NOVA1: variants seen among roughly 807,000 people sequenced by gnomAD.
NOVA1 encodes NOVA alternative splicing regulator 1, also known as RNA-binding protein Nova-1.
NOVA1 carries 7 observed loss-of-function variants against 38.0 expected under a neutral mutation model. The observed-to-expected ratio is 0.18, with a 90% CI of 0.10 to 0.35. The LOEUF (loss-of-function observed/expected upper bound fraction) is 0.35, where lower values mean the gene tolerates loss of function less well. NOVA1 is among the 10% of genes least tolerant of loss of function. NOVA1 has a pLI of 1.00. For missense variants in NOVA1, 460 were observed against 616.0 expected, an observed-to-expected ratio of 0.75 and a Z score of 2.68; for synonymous variants, 270 against 232.5, an observed-to-expected ratio of 1.16 and a Z score of -1.47.
chr14:26,574,214 C>T lies in NOVA1; in HGVS notation c.280+21196G>A, dbSNP rs555228932. 1.1e-4 allele frequency among the ~76,000 whole-genome samples: 15 copies of T among 141,028 alleles called. No individual in the cohort carries two copies. In the South Asian group the frequency reaches 2.5e-3, roughly 23 times the overall value. The allele number at this position is 141,028 out of a possible 152,430, so 92.5% of individuals were successfully genotyped here. A position where few individuals can be genotyped will look rare whatever the true frequency, so the allele number is the denominator to read the frequency against. On this transcript the variant is annotated intron_variant, in intron 2 of 4. Transcript: ENST00000539517. ...CTAATTTTTGTATTTTCAGTAGAGA[C>T]GGGGTTTCACCATCTTGGCCAGGCT...
chr14:26,497,605 C>T (rs183329350), intron 2 of NOVA1, among the ~76,000 whole-genome samples: 3 of 152,220 alleles, frequency 2.0e-5, no homozygotes, highest in African/African-American at 7.2e-5. Context: ...TCTATCCATC[C>T]TTTTAGAAAC....
chr14:26,532,799 TCAAA>T (rs1889815057), intron 2 of NOVA1, among the ~76,000 whole-genome samples: 1 of 152,172 alleles, frequency 6.6e-6, no homozygotes, highest in African/African-American at 2.4e-5. Flanking sequence ...AGAAACAACT[TCAAA>T]CAAATTTCAA....
At chr14:26,589,736 G>A (rs2138805884) in intron 2 of NOVA1, among the ~76,000 whole-genome samples, 1 of 151,632 alleles carries the variant, frequency 6.6e-6, no homozygotes, top group African/African-American at 2.4e-5. Context: ...CTCACTTAAG[G>A]TTATTTTTTT....
chr14:26,461,738 G>A (rs1883689517), intron 4 of NOVA1, among the ~76,000 whole-genome samples: 1 of 142,156 alleles, frequency 7.0e-6, no homozygotes, highest in South Asian at 2.2e-4. Context: ...AGACCAGCCT[G>A]ACCAACATGG....
intron 2 of NOVA1, among the ~76,000 whole-genome samples, chr14:26,582,441 G>A (rs1162190223): frequency 2.0e-5 from 3 of 151,726 alleles, no homozygotes; most frequent in African/African-American, 2.4e-5. Flanking sequence ...TGTCATAAAA[G>A]AACATTATTT....
chr14:26,545,509 A>C (rs1267761268), intron 2 of NOVA1, among the ~76,000 whole-genome samples: 1 of 152,158 alleles, frequency 6.6e-6, no homozygotes, highest in East Asian at 1.9e-4. Context: ...GGCTGAAGAC[A>C]TAAGGGTGAG....
chr14:26,495,550 G>C (rs1239895166), intron 2 of NOVA1, among the ~76,000 whole-genome samples: 2 of 151,876 alleles, frequency 1.3e-5, no homozygotes, highest in African/African-American at 4.8e-5. Flanking sequence ...CAATGTGCAG[G>C]TTAGTTACAT....
At chr14:26,529,779 C>A (rs1469979056) in intron 2 of NOVA1, among the ~76,000 whole-genome samples, 1 of 152,140 alleles carries the variant, frequency 6.6e-6, no homozygotes, top group Admixed American at 6.5e-5. Context: ...GAGTCTTCAG[C>A]AATGGGGAAT....
intron 2 of NOVA1, among the ~76,000 whole-genome samples, chr14:26,585,048 A>C (rs1474552798): frequency 6.6e-6 from 1 of 151,446 alleles, no homozygotes; most frequent in East Asian, 1.9e-4. Flanking sequence ...TTAAAATATA[A>C]ATAAAATTTA....
intron 3 of NOVA1, among the ~76,000 whole-genome samples, chr14:26,477,836 T>C (rs190622843): frequency 1.3e-5 from 2 of 152,128 alleles, no homozygotes; most frequent in Non-Finnish European, 2.9e-5. Context: ...TATAATATTT[T>C]GGAAATACAT....
intron 1 of NOVA1, chr14:26,596,540 C>T (rs769846295): frequency 6.2e-6 from 8 of 1,288,790 alleles, no homozygotes; most frequent in Non-Finnish European, 7.1e-6. Flanking sequence ...GACCCCCATC[C>T]GTCTACAATG....
At chr14:26,487,242 T>C (rs1483667891) in intron 2 of NOVA1, among the ~76,000 whole-genome samples, 1 of 152,178 alleles carries the variant, frequency 6.6e-6, no homozygotes. Context: ...TCAAAGGTCT[T>C]CTCTGAAGCT....
intron 2 of NOVA1, chr14:26,593,088 G>T (rs1385880731): frequency 6.6e-6 from 1 of 151,698 alleles, no homozygotes; most frequent in African/African-American, 2.4e-5. Flanking sequence ...CATATATATA[G>T]CTTTAAGAAC....
chr14:26,504,182 T>A (rs1887456158), intron 2 of NOVA1, among the ~76,000 whole-genome samples: 1 of 152,146 alleles, frequency 6.6e-6, no homozygotes, highest in Admixed American at 6.6e-5. Context: ...TGATGTCAAG[T>A]AAAAACCAAT....
intron 2 of NOVA1, among the ~76,000 whole-genome samples, chr14:26,481,350 G>T (rs1431266819): frequency 6.6e-6 from 1 of 152,020 alleles, no homozygotes; most frequent in Non-Finnish European, 1.5e-5. Flanking sequence ...ACAAATTTGT[G>T]AAACTACAAA....
intron 2 of NOVA1, among the ~76,000 whole-genome samples, chr14:26,539,768 C>G (rs1362728359): frequency 1.3e-5 from 2 of 151,854 alleles, no homozygotes; most frequent in African/African-American, 2.4e-5. Context: ...CAAGGATAAG[C>G]ATATATTCAA....
chr14:26,462,136 C>T lies in NOVA1; in HGVS notation c.519+10184G>A, dbSNP rs142190463. Among the ~76,000 whole-genome samples the T allele has an allele frequency of 2.0e-3, 299 of 151,902 alleles. 1 individual carries two copies. The highest frequency in any genetic ancestry group is 6.9e-3 in the African/African-American group (287 of 41,424). On this transcript the variant is annotated intron_variant, in intron 4 of 4. Transcript: ENST00000539517. ...AGTGTTTATAGTCTACAGCAGTATA[C>T]AATAACGTCCCAGGCCTTCACATTC...
At chr14:26,474,095 G>C (rs1884794466) in intron 3 of NOVA1, among the ~76,000 whole-genome samples, 1 of 151,924 alleles carries the variant, frequency 6.6e-6, no homozygotes, top group African/African-American at 2.4e-5. Flanking sequence ...TACTACAGAG[G>C]ATACCTGGGA....
chr14:26,564,026 A>G (rs999973974), intron 2 of NOVA1, among the ~76,000 whole-genome samples: 4 of 152,158 alleles, frequency 2.6e-5, no homozygotes, highest in Admixed American at 2.6e-4. Context: ...TAAAGTGTGT[A>G]TAGCAAGACA....
Sources: allele counts gnomAD v4.1 joint callset (sites outside exome capture counted in the v4.1 genomes callset), GRCh38; gene constraint gnomAD v4.1.1; transcripts MANE v1.5; gene names NCBI Gene and HGNC (gene_info 2026-07-23, HGNC 2026-07-21).